Variants in SLC35D4 observed in about 807,000 individuals in gnomAD.
The protein encoded by SLC35D4 is UDP-N-acetylglucosamine transporter SLC35D4.
the SLC35D4 span, among the ~76,000 whole-genome samples, chr18:23,382,489 AATC>A: frequency 1.3e-5 from 2 of 152,036 alleles, no homozygotes; most frequent in Non-Finnish European, 2.9e-5. Flanking sequence ...ACACGGGGAA[AATC>A]ATGCTGTATC....
chr18:23,402,270 A>C, the SLC35D4 span, among the ~76,000 whole-genome samples: 1 of 152,240 alleles, frequency 6.6e-6, no homozygotes, highest in Non-Finnish European at 1.5e-5. Flanking sequence ...TAGGGCAAAA[A>C]GGAAAAAGAA....
chr18:23,361,516 C>A, the SLC35D4 span, among the ~76,000 whole-genome samples: 1 of 152,160 alleles, frequency 6.6e-6, no homozygotes, highest in Non-Finnish European at 1.5e-5. Context: ...CCCAGCAAAA[C>A]CCTTCTTATA....
the SLC35D4 span, among the ~76,000 whole-genome samples, chr18:23,434,451 T>C: frequency 6.6e-6 from 1 of 152,204 alleles, no homozygotes; most frequent in Non-Finnish European, 1.5e-5. Flanking sequence ...TTTCATCTAA[T>C]ACATAGATGC....
the SLC35D4 span, among the ~76,000 whole-genome samples, chr18:23,301,647 T>G: frequency 1.3e-5 from 2 of 152,198 alleles, no homozygotes; most frequent in Non-Finnish European, 1.5e-5. Flanking sequence ...ACAAAGAAGT[T>G]GCATTTTGGT....
the SLC35D4 span, among the ~76,000 whole-genome samples, chr18:23,267,891 C>T: frequency 6.6e-6 from 1 of 152,226 alleles, no homozygotes; most frequent in Non-Finnish European, 1.5e-5. Flanking sequence ...TCAGCACACA[C>T]AACATCCCAT....
At chr18:23,263,903 A>AG in the SLC35D4 span, among the ~76,000 whole-genome samples, 1 of 152,228 alleles carries the variant, frequency 6.6e-6, no homozygotes, top group Non-Finnish European at 1.5e-5. Flanking sequence ...CAGATGTGTC[A>AG]GGTGCGCTGA....
chr18:23,427,723 T>G, the SLC35D4 span, among the ~76,000 whole-genome samples: 1 of 152,204 alleles, frequency 6.6e-6, no homozygotes, highest in African/African-American at 2.4e-5. Flanking sequence ...TGCACACATA[T>G]GTTTATTGCG....
the SLC35D4 span, chr18:23,370,117 T>C: frequency 1.0e-6 from 1 of 966,648 alleles, no homozygotes; most frequent in Non-Finnish European, 1.5e-6. Flanking sequence ...GGGTGGAGGG[T>C]GCGGTGAGCT....
At chr18:23,347,785 C>CA in the SLC35D4 span, among the ~76,000 whole-genome samples, 2 of 152,176 alleles carry the variant, frequency 1.3e-5, no homozygotes, top group Admixed American at 1.3e-4. Flanking sequence ...CTGATGTTTT[C>CA]AAAGAATCAA....
the SLC35D4 span, among the ~76,000 whole-genome samples, chr18:23,241,638 C>A: frequency 6.6e-6 from 1 of 152,224 alleles, no homozygotes; most frequent in African/African-American, 2.4e-5. Context: ...TGTTCTTGTG[C>A]ATGGCTTTCT....
At chr18:23,271,983 C>T in the SLC35D4 span, among the ~76,000 whole-genome samples, 2 of 152,096 alleles carry the variant, frequency 1.3e-5, no homozygotes, top group Non-Finnish European at 2.9e-5. Flanking sequence ...GATCCTTTGC[C>T]GTATCCCCTA....
At chr18:23,390,337 C>T in the SLC35D4 span, among the ~76,000 whole-genome samples, 1 of 152,166 alleles carries the variant, frequency 6.6e-6, no homozygotes, top group Non-Finnish European at 1.5e-5. Context: ...TCTCTTTCAT[C>T]AGGGAAAATG....
chr18:23,367,219 G>A, the SLC35D4 span, among the ~76,000 whole-genome samples: 763 of 152,252 alleles, frequency 5.0e-3, 9 homozygotes, highest in African/African-American at 0.018. Flanking sequence ...TAAGTGAAGA[G>A]TTGGTCCTTT....
At chr18:23,250,406 GA>G in the SLC35D4 span, among the ~76,000 whole-genome samples, 1 of 152,190 alleles carries the variant, frequency 6.6e-6, no homozygotes, top group Non-Finnish European at 1.5e-5. Context: ...AGGGTTGGCT[GA>G]TGGGCCCTCC....
At chr18:23,248,360 A>C in the SLC35D4 span, among the ~76,000 whole-genome samples, 2 of 152,048 alleles carry the variant, frequency 1.3e-5, no homozygotes, top group African/African-American at 4.8e-5. Context: ...TTCAGTTCTG[A>C]AGTGCAGCAT....
the SLC35D4 span, chr18:23,257,455 C>T: frequency 7.3e-7 from 1 of 1,376,594 alleles, no homozygotes; most frequent in African/African-American, 1.5e-5. Flanking sequence ...AAAAGTAGAA[C>T]TCAGAATACC....
At chr18:23,335,075 G>A in the SLC35D4 span, among the ~76,000 whole-genome samples, 1 of 151,894 alleles carries the variant, frequency 6.6e-6, no homozygotes, top group Non-Finnish European at 1.5e-5. Flanking sequence ...TAAGAGAGGA[G>A]AGCAATTTTA....
chr18:23,397,340 C>T, the SLC35D4 span, among the ~76,000 whole-genome samples: 1 of 152,304 alleles, frequency 6.6e-6, no homozygotes, highest in East Asian at 1.9e-4. Flanking sequence ...GCCTGGGACT[C>T]ATGCAGGAAC....
the SLC35D4 span, among the ~76,000 whole-genome samples, chr18:23,328,217 G>A: frequency 3.3e-5 from 5 of 152,154 alleles, no homozygotes; most frequent in Non-Finnish European, 2.9e-5. Context: ...AATCAGGCAG[G>A]AGAAAGAAAT....
Sources: gnomAD v4.1 joint callset for allele counts (sites outside exome capture counted in the v4.1 genomes callset) on GRCh38, gnomAD v4.1.1 for gene constraint, MANE v1.5 for transcripts, NCBI Gene and HGNC (gene_info 2026-07-23, HGNC 2026-07-21) for gene names.